Variants in SLCO2A1 observed in about 807,000 individuals in gnomAD.
SLCO2A1 encodes matrin F/G 1.
A neutral mutation model predicts 71.7 loss-of-function variants in SLCO2A1; 60 were observed. That is an observed-to-expected ratio of 0.84 (90% CI 0.68 to 1.04). SLCO2A1 has a LOEUF of 1.04. SLCO2A1 is among the 50% of genes least tolerant of loss of function. The probability of loss-of-function intolerance (pLI) is 0.00; values close to 1 mark genes in which losing one functional copy is unlikely to be tolerated. For synonymous variants in SLCO2A1, 308 were observed against 326.7 expected (o/e 0.94, Z 0.62); for missense variants, 745 against 813.4 (o/e 0.92, Z 1.02).
chr3:133,938,034 A>G (rs1325399761), intron 12 of SLCO2A1, among the ~76,000 whole-genome samples: 1 of 152,200 alleles, frequency 6.6e-6, no homozygotes, highest in Non-Finnish European at 1.5e-5. Flanking sequence ...TTTTAGGAGG[A>G]GTGAATTTTG....
At chr3:134,002,537 C>T (rs936928723) in intron 1 of SLCO2A1, among the ~76,000 whole-genome samples, 20 of 152,332 alleles carry the variant, frequency 1.3e-4, no homozygotes, top group African/African-American at 4.3e-4. Context: ...ATATCACAGC[C>T]GCCTCAGTGA....
intron 9 of SLCO2A1, among the ~76,000 whole-genome samples, chr3:133,946,791 C>T (rs1933588841): frequency 1.3e-5 from 2 of 152,084 alleles, no homozygotes; most frequent in African/African-American, 4.8e-5. Context: ...CATTCAAGAC[C>T]TGATTTTCTA....
chr3:134,005,545 A>C (rs1041434367), intron 1 of SLCO2A1, among the ~76,000 whole-genome samples: 1 of 148,094 alleles, frequency 6.8e-6, no homozygotes, highest in African/African-American at 2.5e-5. Context: ...GCAGTGGCGC[A>C]ATCTCGGCTC....
chr3:133,971,287 G>A (rs983459416), intron 3 of SLCO2A1, among the ~76,000 whole-genome samples: 2 of 152,234 alleles, frequency 1.3e-5, no homozygotes, highest in Non-Finnish European at 1.5e-5. Context: ...CTCCTGACTC[G>A]CTTCAGAGCT....
chr3:133,987,601 G>A (rs1934745494), intron 1 of SLCO2A1, among the ~76,000 whole-genome samples: 1 of 152,124 alleles, frequency 6.6e-6, no homozygotes, highest in South Asian at 2.1e-4. Context: ...TCCCTAAAAT[G>A]TACAAAACCA....
chr3:133,950,007 A>AT (rs201670936), intron 6 of SLCO2A1, among the ~76,000 whole-genome samples: 9 of 149,542 alleles, frequency 6.0e-5, no homozygotes, highest in East Asian at 2.0e-4. Flanking sequence ...TTTTAAAATA[A>AT]TTTTTTTTTT....
intron 2 of SLCO2A1, among the ~76,000 whole-genome samples, chr3:133,974,750 G>A (rs1444161595): frequency 6.6e-6 from 1 of 152,168 alleles, no homozygotes; most frequent in Non-Finnish European, 1.5e-5. Flanking sequence ...TTCTGACCAC[G>A]TCTCCACCAA....
intron 1 of SLCO2A1, among the ~76,000 whole-genome samples, chr3:133,980,628 C>A (rs1295257566): frequency 1.3e-5 from 2 of 152,258 alleles, no homozygotes; most frequent in East Asian, 3.8e-4. Flanking sequence ...AAGCTCTTTC[C>A]ATGAATGAAC....
intron 1 of SLCO2A1, among the ~76,000 whole-genome samples, chr3:133,997,760 C>T (rs956670862): frequency 6.6e-6 from 1 of 152,198 alleles, no homozygotes; most frequent in Admixed American, 6.5e-5. Context: ...GAAATGAATA[C>T]CCGGGCCAGA....
At position 133,978,646 on chromosome 3, in the gene SLCO2A1, C is replaced by T. The variant is rs141317557; in HGVS notation, c.234+835G>A. Among the ~76,000 whole-genome samples, 560 of 152,182 alleles carry T rather than the reference C, an allele frequency of 3.7e-3. 4 individuals carry two copies. The highest frequency in any genetic ancestry group is 0.013 in the African/African-American group (519 of 41,520). Reference sequence around the variant, plus strand: ...AGTCAAGGGAAGACCTCATGATGCTCCAGAGGAGCAACCCGGCTCTGGGGA... The same window carrying T: ...AGTCAAGGGAAGACCTCATGATGCTTCAGAGGAGCAACCCGGCTCTGGGGA... On this transcript the variant is annotated intron_variant, in intron 2 of 13. Coordinates refer to ENST00000310926, the MANE Select transcript of SLCO2A1 (RefSeq NM_005630.3).
chr3:134,025,119 G>A (rs543013278), intron 1 of SLCO2A1, among the ~76,000 whole-genome samples: 13 of 152,218 alleles, frequency 8.5e-5, no homozygotes, highest in African/African-American at 2.9e-4. Flanking sequence ...AAAACTCATT[G>A]CGGGACTCAT....
intron 1 of SLCO2A1, among the ~76,000 whole-genome samples, chr3:133,991,468 A>G (rs1934843681): frequency 1.3e-5 from 2 of 152,228 alleles, no homozygotes; most frequent in African/African-American, 2.4e-5. Flanking sequence ...TGCACAAGAT[A>G]AAGTTCAGAG....
rs139950027 is a variant in SLCO2A1 at position 133,959,420 on chromosome 3, G to A, written c.398-4227C>T. On this transcript the variant is annotated intron_variant, in intron 3 of 13. Transcript: ENST00000310926. ...ACCAAAAAAAAAAAAAACAGAAAAC[G>A]AGTGTTGGCAAGGGTGTGGAGCAAT... 3.2e-3 allele frequency among the ~76,000 whole-genome samples: 461 copies of A among 145,698 alleles called. 4 individuals are homozygous for A. Among genetic ancestry groups the A allele is most frequent in the African/African-American group, 0.012 (442 of 36,222 alleles).
chr3:133,949,015 T>C, intron 6 of SLCO2A1, 44 bp from the exon 7 acceptor site: 3 of 1,525,168 alleles, frequency 2.0e-6, no homozygotes, highest in Non-Finnish European at 2.7e-6. Context: ...CCAGGCTCAC[T>C]GTAGCCACCC....
chr3:134,005,336 T>C (rs2108071900), intron 1 of SLCO2A1, among the ~76,000 whole-genome samples: 1 of 152,334 alleles, frequency 6.6e-6, no homozygotes, highest in East Asian at 1.9e-4. Flanking sequence ...CATCTTCTTC[T>C]GTTTCTTGAT....
At chr3:133,978,523 G>A (rs747692735) in intron 2 of SLCO2A1, among the ~76,000 whole-genome samples, 12 of 152,178 alleles carry the variant, frequency 7.9e-5, no homozygotes, top group Non-Finnish European at 1.2e-4. Context: ...GCTGGGGAGA[G>A]GAGATACCTG....
chr3:133,959,461 C>T (rs1412242487), intron 3 of SLCO2A1, among the ~76,000 whole-genome samples: 1 of 150,130 alleles, frequency 6.7e-6, no homozygotes, highest in East Asian at 1.9e-4. Context: ...CCCTATGCAT[C>T]GCTGGTGAGA....
rs140096973 is a variant in SLCO2A1, at chr3:133,934,939, G to T, written c.1815-109C>A. 8.6e-3 allele frequency: 7,086 copies of T among 825,992 alleles called. 31 individuals carry two copies. Among genetic ancestry groups the T allele is most frequent in the Middle Eastern group, 0.017 (49 of 2,808 alleles). 51.2% of individuals were successfully genotyped at this position (825,992 alleles called of 1,614,324 possible). A position where few individuals can be genotyped will look rare whatever the true frequency, so the allele number is the denominator to read the frequency against. ...ATCATTCCCACGCTGGCCCGCGGAA[G>T]GTGTGGGCACCATCCAGGTGAGGAT... On this transcript the variant is annotated intron_variant, in intron 13 of 13. Coordinates refer to ENST00000310926, the MANE Select transcript of SLCO2A1 (RefSeq NM_005630.3).
At chr3:133,941,422 A>G (rs1342923605) in intron 11 of SLCO2A1, among the ~76,000 whole-genome samples, 8 of 152,142 alleles carry the variant, frequency 5.3e-5, no homozygotes, top group Admixed American at 2.6e-4. Context: ...CTGAGGCTCA[A>G]TGAGGTTAGG....
Sources: gnomAD v4.1 joint callset for allele counts (sites outside exome capture counted in the v4.1 genomes callset) on GRCh38, gnomAD v4.1.1 for gene constraint, MANE v1.5 for transcripts, NCBI Gene and HGNC (gene_info 2026-07-23, HGNC 2026-07-21) for gene names.